ENPP2: variants seen among roughly 807,000 people sequenced by gnomAD.
The protein encoded by ENPP2 is ectonucleotide pyrophosphatase/phosphodiesterase 2, also known as autotaxin.
In ENPP2, 51 loss-of-function variants were observed where a neutral mutation model predicts 120.2. The ratio of observed to expected loss-of-function variants is 0.42; its 90% confidence interval spans 0.34 to 0.54. The LOEUF is 0.54. ENPP2 is among the 20% of genes least tolerant of loss of function. The pLI is 0.04. For missense variants in ENPP2, 920 were observed against 1,066.5 expected, an observed-to-expected ratio of 0.86 and a Z score of 1.91; for synonymous variants, 365 against 366.4, an observed-to-expected ratio of 1.00 and a Z score of 0.04.
At chr8:119,665,048 A>G (rs1465920147) in intron 1 of ENPP2, among the ~76,000 whole-genome samples, 1 of 152,086 alleles carries the variant, frequency 6.6e-6, no homozygotes, top group African/African-American at 2.4e-5. Flanking sequence ...TTCCCTGTGT[A>G]TGTTCCCGTG....
chr8:119,646,003 T>C (rs1817436156), intron 1 of ENPP2, among the ~76,000 whole-genome samples: 1 of 151,706 alleles, frequency 6.6e-6, no homozygotes, highest in African/African-American at 2.4e-5. Context: ...AGTTTCACTC[T>C]TGTTGCCCAG....
At chr8:119,642,175 C>G (rs189016791), upstream of ENPP2, among the ~76,000 whole-genome samples, 560 of 152,172 alleles carry the variant, frequency 3.7e-3, 3 homozygotes, top group African/African-American at 0.012. Context: ...GGGGTTTAAA[C>G]GACTTTTTGG....
chr8:119,612,255 G>A (rs369137015), intron 8 of ENPP2, among the ~76,000 whole-genome samples: 3 of 152,010 alleles, frequency 2.0e-5, no homozygotes, highest in Admixed American at 2.0e-4. Flanking sequence ...ACAGTACAAA[G>A]AGAAAAAACT....
chr8:119,617,536 G>T lies in ENPP2; in HGVS notation c.507C>A (p.Phe169Leu), dbSNP rs1485660852. 6.2e-7 allele frequency: 1 copy of T among 1,613,522 alleles called. No homozygotes were observed. Among genetic ancestry groups the T allele is most frequent in the Non-Finnish European group, 8.5e-7 (1 of 1,179,558 alleles). The change falls in exon 6 of 25, where the codon TTC becomes TTA. Residue 169 changes from phenylalanine (F) to leucine (L), a missense_variant. Phe to Leu is a conservative substitution (Grantham distance 22, BLOSUM62 0). Transcript: ENST00000075322. ...ATGATGCACGGAAGCCATCCACGGA[G>T]AAGATGATTAATGGAGGGCGAACAA... ...AGFVRPPLII[F>L]SVDGFRASYM... is the part of the protein sequence containing the mutation.
In ENPP2 at chr8:119,616,407, TG is replaced by T. The variant is rs758645509; in HGVS notation, c.658-24del. 3 of 1,555,266 alleles carry T rather than the reference TG, an allele frequency of 1.9e-6. No homozygotes were observed. The Admixed American group carries it at 5.1e-5, about 26-fold the overall frequency. On this transcript the variant is annotated intron_variant, in intron 7 of 24. Coordinates refer to ENST00000075322, the MANE Select transcript of ENPP2 (RefSeq NM_001040092.3). ...CCCCTTTTTGTAAAAGCAAATTTAT[TG>T]TTAAAATAACAATACAATAATCCAC...
chr8:119,610,476 C>T (rs969077792), intron 8 of ENPP2, among the ~76,000 whole-genome samples: 2 of 146,378 alleles, frequency 1.4e-5, no homozygotes, highest in Non-Finnish European at 3.0e-5. Flanking sequence ...GAATACAAGC[C>T]GATAAGGTTA....
chr8:119,583,755 G>A lies in ENPP2; in HGVS notation c.1505C>T (p.Pro502Leu). Residue 502 changes from proline (P) to leucine (L), a missense_variant, in exon 17 of 25, where the codon CCT (proline) becomes CTT (leucine). By Grantham distance (98) the Pro-to-Leu change is moderately conservative (BLOSUM62 -3). Transcript: ENST00000075322. ...GSTFKYKTKVPPFENIELYNV... is the reference protein window; with the variant it reads ...GSTFKYKTKVLPFENIELYNV... ...GTAAAGTTCAATGTTTTCAAATGGA[G>A]GCACTTTAGTCTTGTACTTAAATGT... 6.2e-7 allele frequency: 1 copy of A among 1,601,204 alleles called. No homozygotes were observed. Among genetic ancestry groups the A allele is most frequent in the Non-Finnish European group, 8.6e-7 (1 of 1,169,252 alleles).
intron 19 of ENPP2, among the ~76,000 whole-genome samples, chr8:119,573,407 T>TAAAAAAAAAAAAAAAAAAA (rs1563680979): frequency 1.7e-4 from 12 of 71,552 alleles, no homozygotes; most frequent in African/African-American, 7.8e-4. Flanking sequence ...GCTCCGTCTC[T>TAAAAAAAAAAAAAAAAAAA]TAAAAAAAAA....
At chr8:119,666,745 A>C (rs1171638543) in intron 1 of ENPP2, among the ~76,000 whole-genome samples, 1 of 151,118 alleles carries the variant, frequency 6.6e-6, no homozygotes, top group East Asian at 1.9e-4. Context: ...AGGCCATTAC[A>C]TTCCAGCCTG....
At chr8:119,664,852 A>T (rs1818025334) in intron 1 of ENPP2, among the ~76,000 whole-genome samples, 1 of 152,172 alleles carries the variant, frequency 6.6e-6, no homozygotes, top group Non-Finnish European at 1.5e-5. Context: ...AAGGCAGGAG[A>T]ATCGCTTAAA....
At chr8:119,617,118 G>T in intron 7 of ENPP2, 46 bp downstream of exon 7, 1 of 1,160,230 alleles carries the variant, frequency 8.6e-7, no homozygotes, top group Non-Finnish European at 1.3e-6. Context: ...GTCATTCCAG[G>T]ATGAAATCAG....
chr8:119,565,896 A>C (rs907106483), intron 22 of ENPP2, among the ~76,000 whole-genome samples: 1 of 151,450 alleles, frequency 6.6e-6, no homozygotes, highest in Non-Finnish European at 1.5e-5. Context: ...ACACACACAC[A>C]CCACCCATTT....
chr8:119,586,067 A>G, intron 15 of ENPP2, 119 bp downstream of exon 15: 3 of 1,138,308 alleles, frequency 2.6e-6, no homozygotes, highest in Non-Finnish European at 3.8e-6. Flanking sequence ...AATCTTTGGA[A>G]ACAGTGAGAT....
Position 119,619,378 on chromosome 8 carries a change from G to T in ENPP2, c.419-74C>A, listed in dbSNP as rs994392. On this transcript the variant is annotated intron_variant, in intron 4 of 24. Coordinates refer to ENST00000075322, the MANE Select transcript of ENPP2 (RefSeq NM_001040092.3). ...CATGCCTTGAAGCTCACAATTCCAG[G>T]ATCTGTGTCCTGTTTGATACTTTCT... is the stretch of plus-strand genomic sequence containing the variant. 2,299 of 1,016,514 alleles carry T rather than the reference G, an allele frequency of 2.3e-3. 31 individuals carry two copies. In the African/African-American group the frequency reaches 0.034, roughly 15 times the overall value. 63.0% of individuals were successfully genotyped at this position (1,016,514 alleles called of 1,614,324 possible). A position where few individuals can be genotyped will look rare whatever the true frequency, so the allele number is the denominator to read the frequency against.
At chr8:119,589,675 T>C (rs1270131482) in intron 13 of ENPP2, among the ~76,000 whole-genome samples, 1 of 152,012 alleles carries the variant, frequency 6.6e-6, no homozygotes, top group African/African-American at 2.4e-5. Flanking sequence ...CCTGGAACAG[T>C]TCCAGTTGTG....
intron 24 of ENPP2, among the ~76,000 whole-genome samples, chr8:119,560,278 A>G (rs1377807589): frequency 3.9e-5 from 6 of 152,176 alleles, no homozygotes; most frequent in Non-Finnish European, 8.8e-5. Context: ...TCACCTCCCT[A>G]CAAGTTTCTA....
chr8:119,649,234 A>C (rs1411730546), intron 1 of ENPP2, among the ~76,000 whole-genome samples: 1 of 143,754 alleles, frequency 7.0e-6, no homozygotes, highest in African/African-American at 2.7e-5. Flanking sequence ...TCTACTAAAA[A>C]TACAAAAAAA....
chr8:119,622,339 G>A (rs530838323), intron 3 of ENPP2, among the ~76,000 whole-genome samples: 2 of 152,282 alleles, frequency 1.3e-5, no homozygotes, highest in Admixed American at 1.3e-4. Context: ...GATGTGAAGA[G>A]TATAAAGGGG....
At chr8:119,569,605 G>T (rs563599896) in intron 20 of ENPP2, among the ~76,000 whole-genome samples, 38 of 151,816 alleles carry the variant, frequency 2.5e-4, no homozygotes, top group Middle Eastern at 3.4e-3. Context: ...AAAGTCTTAA[G>T]AAAAACAATA....
Sources: gnomAD v4.1 joint callset for allele counts (sites outside exome capture counted in the v4.1 genomes callset) on GRCh38, gnomAD v4.1.1 for gene constraint, MANE v1.5 for transcripts, NCBI Gene and HGNC (gene_info 2026-07-23, HGNC 2026-07-21) for gene names.